CAST: variants seen among roughly 807,000 people sequenced by gnomAD.
The protein encoded by CAST is MIR583 host.
Under a neutral mutation model 119.6 loss-of-function variants are expected in CAST, and 76 were observed. The ratio of observed to expected loss-of-function variants is 0.64; its 90% CI spans 0.53 to 0.77. The LOEUF (loss-of-function observed/expected upper bound fraction) is 0.77, where lower values mean the gene tolerates loss of function less well. Among genes scored for constraint, CAST ranks in the 30% least tolerant of loss-of-function variants. The probability of loss-of-function intolerance (pLI) is 0.00; values close to 1 mark genes in which losing one functional copy is unlikely to be tolerated. For synonymous variants in CAST, 319 were observed against 331.6 expected (o/e 0.96, Z 0.41); for missense variants, 953 against 946.5 (o/e 1.01, Z -0.09).
chr5:96,659,026 C>T (rs1416592019), upstream of CAST, among the ~76,000 whole-genome samples: 4 of 152,144 alleles, frequency 2.6e-5, no homozygotes, highest in Admixed American at 1.3e-4. Context: ...ATATGCAAAT[C>T]GATTCCTAGG....
rs1431546304 is a variant in CAST, at chr5:96,643,657, G to A, written c.61-31882G>A. Among the ~76,000 whole-genome samples, 5 of 152,156 alleles carry A rather than the reference G, an allele frequency of 3.3e-5. No homozygotes were observed. In the East Asian group the frequency reaches 7.7e-4, roughly 24 times the overall value. ...TGGGAGGCCGAGGTGGGTGGATCAC[G>A]AGGTCAGGAGATGGAGACCAACCTG... On this transcript the variant is annotated intron_variant, in intron 1 of 11. Transcript: ENST00000505143.
the CAST span, among the ~76,000 whole-genome samples, chr5:96,462,394 C>A: frequency 2.0e-5 from 3 of 152,016 alleles, no homozygotes; most frequent in Non-Finnish European, 4.4e-5. Context: ...AACAGGTTAT[C>A]ATTTACTTAA....
At chr5:96,215,933 G>T in the CAST span, among the ~76,000 whole-genome samples, 2 of 151,936 alleles carry the variant, frequency 1.3e-5, no homozygotes, top group Non-Finnish European at 2.9e-5. Context: ...TCAGCCTCCC[G>T]TGTAGCTGGG....
At chr5:96,282,084 G>A in the CAST span, among the ~76,000 whole-genome samples, 5 of 151,686 alleles carry the variant, frequency 3.3e-5, no homozygotes, top group African/African-American at 4.9e-5. Flanking sequence ...GCTCACCCCC[G>A]TGGTGGTGAT....
At chr5:96,455,837 T>C in the CAST span, among the ~76,000 whole-genome samples, 1 of 152,364 alleles carries the variant, frequency 6.6e-6, no homozygotes, top group East Asian at 1.9e-4. Flanking sequence ...TGGAATTATT[T>C]ATGTGTTGAT....
the CAST span, among the ~76,000 whole-genome samples, chr5:96,098,268 G>A: frequency 1.3e-5 from 2 of 152,110 alleles, no homozygotes; most frequent in African/African-American, 2.4e-5. Context: ...CTCCCATTCT[G>A]TAGGTTGTCT....
chr5:96,525,342 G>A (rs1745581202), upstream of CAST: 1 of 152,170 alleles, frequency 6.6e-6, no homozygotes, highest in Non-Finnish European at 1.5e-5. Context: ...CCCTGTATCT[G>A]AGGCTTCTTA....
the CAST span, among the ~76,000 whole-genome samples, chr5:96,083,156 T>C: frequency 6.6e-6 from 1 of 152,252 alleles, no homozygotes; most frequent in Admixed American, 6.5e-5. Flanking sequence ...AAATTATTGC[T>C]TTATATGCTC....
chr5:96,558,624 C>G (rs1014477503), intron 1 of CAST, among the ~76,000 whole-genome samples: 1 of 152,154 alleles, frequency 6.6e-6, no homozygotes, highest in Non-Finnish European at 1.5e-5. Flanking sequence ...TGGATAAATT[C>G]CTCGACACAT....
chr5:96,558,701 T>A (rs11744742), intron 1 of CAST, among the ~76,000 whole-genome samples: 2 of 152,110 alleles, frequency 1.3e-5, no homozygotes, highest in African/African-American at 2.4e-5. Flanking sequence ...GGCTCTGAAA[T>A]TGAGGCAATA....
chr5:96,462,148 C>T, the CAST span, among the ~76,000 whole-genome samples: 2 of 152,050 alleles, frequency 1.3e-5, no homozygotes, highest in South Asian at 4.1e-4. Flanking sequence ...TGTTTGCTTA[C>T]CATAGTCTTC....
intron 1 of CAST, among the ~76,000 whole-genome samples, chr5:96,614,817 A>G (rs1165816256): frequency 6.6e-6 from 1 of 152,134 alleles, no homozygotes; most frequent in Non-Finnish European, 1.5e-5. Context: ...CTCCCACCCT[A>G]AGCTTGGTAA....
chr5:96,443,826 C>T, the CAST span, among the ~76,000 whole-genome samples: 55 of 152,286 alleles, frequency 3.6e-4, 1 homozygote, highest in Middle Eastern at 6.8e-3. Flanking sequence ...AGAAGTAAAA[C>T]GAAGCAGAGA....
chr5:96,733,910 C>T (rs1365633190), intron 9 of CAST, among the ~76,000 whole-genome samples: 2 of 152,114 alleles, frequency 1.3e-5, no homozygotes, highest in Non-Finnish European at 2.9e-5. Context: ...AATAAGGTAC[C>T]ATGGTTGGTT....
the CAST span, among the ~76,000 whole-genome samples, chr5:96,048,725 A>G: frequency 6.6e-6 from 1 of 152,130 alleles, no homozygotes; most frequent in South Asian, 2.1e-4. Flanking sequence ...CCCATTTCTG[A>G]TACTCCAGGT....
chr5:96,392,901 A>C, the CAST span: 1 of 1,172,044 alleles, frequency 8.5e-7, no homozygotes, highest in South Asian at 1.2e-5. Flanking sequence ...GGATATTATA[A>C]GCATAAGAAT....
At chr5:96,307,946 T>C in the CAST span, among the ~76,000 whole-genome samples, 30 of 152,256 alleles carry the variant, frequency 2.0e-4, no homozygotes, top group Non-Finnish European at 3.8e-4. Context: ...TTGCTCTTCT[T>C]GAAGAGTATC....
At chr5:96,164,991 GT>G in the CAST span, among the ~76,000 whole-genome samples, 1 of 151,970 alleles carries the variant, frequency 6.6e-6, no homozygotes. Flanking sequence ...GGAAGAGATG[GT>G]TATATACATT....
chr5:96,686,948 A>C (rs935359039), intron 2 of CAST, among the ~76,000 whole-genome samples: 1 of 152,206 alleles, frequency 6.6e-6, no homozygotes, highest in African/African-American at 2.4e-5. Context: ...CTTAATTTTA[A>C]CAATCTAATT....
Sources: allele counts gnomAD v4.1 joint callset (sites outside exome capture counted in the v4.1 genomes callset), GRCh38; gene constraint gnomAD v4.1.1; transcripts MANE v1.5; gene names NCBI Gene and HGNC (gene_info 2026-07-23, HGNC 2026-07-21).